The following DIPK1A variants were observed in gnomAD, a reference collection of about 807,000 sequenced individuals.
DIPK1A encodes divergent protein kinase domain 1A, also known as family with sequence similarity 69 member A.
In DIPK1A, 27 loss-of-function variants were observed where a neutral mutation model predicts 40.8. That is an observed-to-expected ratio of 0.66 (90% confidence interval 0.49 to 0.91). The LOEUF (loss-of-function observed/expected upper bound fraction) is 0.91. Among genes scored for constraint, DIPK1A ranks in the 40% least tolerant of loss-of-function variants. The probability of loss-of-function intolerance (pLI) is 0.00; values close to 1 mark genes in which losing one functional copy is unlikely to be tolerated. For missense variants in DIPK1A, 412 were observed against 505.7 expected, an observed-to-expected ratio of 0.81 and a Z score of 1.78; for synonymous variants, 166 against 171.3, an observed-to-expected ratio of 0.97 and a Z score of 0.24.
At chr1:92,845,293 T>TA (rs1379680810) in intron 4 of DIPK1A, among the ~76,000 whole-genome samples, 1 of 3,664 alleles carries the variant, frequency 2.7e-4, no homozygotes, top group African/African-American at 6.3e-4. Flanking sequence ...CAGAGTACCG[T>TA]TTTTTTTTTT....
chr1:92,876,027 T>A (rs6660881), intron 2 of DIPK1A, among the ~76,000 whole-genome samples: 8,503 of 148,778 alleles, frequency 0.057, 595 homozygotes, highest in African/African-American at 0.16. Flanking sequence ...ATATTAAAAA[T>A]ATATATATAT....
rs537604156 is a variant in DIPK1A at position 92,961,459 on chromosome 1, A to T, written c.-30T>A. On this transcript the variant is annotated 5_prime_UTR_variant, in exon 1 of 5. Transcript: ENST00000370310. ...ATCACACATCGCCCCGCCGCGCTGC[A>T]GTCAGAGGCGGACCCGAGCGCTGGC... is the stretch of plus-strand genomic sequence containing the variant. 5.5e-6 allele frequency: 8 copies of T among 1,453,820 alleles called. No individual in the cohort carries two copies. The highest frequency in any genetic ancestry group is 7.3e-6 in the Non-Finnish European group (8 of 1,093,256). The allele number at this position is 1,453,820 out of a possible 1,614,324, so 90.1% of individuals were successfully genotyped here. A position where few individuals can be genotyped will look rare whatever the true frequency, so the allele number is the denominator to read the frequency against.
intron 1 of DIPK1A, among the ~76,000 whole-genome samples, chr1:92,910,800 G>T (rs1464462100): frequency 2.0e-5 from 3 of 152,028 alleles, no homozygotes; most frequent in African/African-American, 7.2e-5. Flanking sequence ...ATTTTATTCA[G>T]ACTTCCTGTT....
At chr1:92,910,077 T>C (rs150980969) in intron 1 of DIPK1A, among the ~76,000 whole-genome samples, 2 of 152,326 alleles carry the variant, frequency 1.3e-5, no homozygotes, top group East Asian at 3.9e-4. Flanking sequence ...AAAGTTCTTG[T>C]TGATTCCGAG....
intron 1 of DIPK1A, among the ~76,000 whole-genome samples, chr1:92,949,643 G>C (rs1651548586): frequency 6.6e-6 from 1 of 152,100 alleles, no homozygotes; most frequent in Non-Finnish European, 1.5e-5. Flanking sequence ...GTTTTCTTTA[G>C]AGATATAGCT....
chr1:92,930,021 G>A (rs1650682066), intron 1 of DIPK1A, among the ~76,000 whole-genome samples: 1 of 152,184 alleles, frequency 6.6e-6, no homozygotes, highest in South Asian at 2.1e-4. Context: ...ACCAAGCACT[G>A]TGGCCAGTAG....
intron 1 of DIPK1A, among the ~76,000 whole-genome samples, chr1:92,959,273 G>T (rs1651963102): frequency 6.6e-6 from 1 of 152,040 alleles, no homozygotes; most frequent in East Asian, 1.9e-4. Context: ...GCAACAGAAG[G>T]AGACCCGTCT....
intron 3 of DIPK1A, among the ~76,000 whole-genome samples, chr1:92,848,157 A>G (rs1231958485): frequency 2.0e-5 from 3 of 152,228 alleles, no homozygotes; most frequent in Non-Finnish European, 4.4e-5. Context: ...CATGCTGAAA[A>G]GAGCTGAGGT....
chr1:92,887,160 G>T (rs1282426100), intron 1 of DIPK1A, among the ~76,000 whole-genome samples: 12 of 148,954 alleles, frequency 8.1e-5, no homozygotes, highest in Non-Finnish European at 3.0e-5. Context: ...GCTCACACCT[G>T]TAATTCCAGC....
chr1:92,844,598 T>C (rs1377508980), intron 4 of DIPK1A, among the ~76,000 whole-genome samples: 1 of 152,180 alleles, frequency 6.6e-6, no homozygotes, highest in East Asian at 1.9e-4. Context: ...CTAAAAATTA[T>C]TTTCCTTTTT....
At chr1:92,891,644 A>G (rs1164259952) in intron 1 of DIPK1A, among the ~76,000 whole-genome samples, 1 of 152,002 alleles carries the variant, frequency 6.6e-6, no homozygotes, top group African/African-American at 2.4e-5. Flanking sequence ...CGCACTGGGG[A>G]TTGTCAGACA....
At chr1:92,907,124 AAG>A (rs1246426539) in intron 1 of DIPK1A, among the ~76,000 whole-genome samples, 3 of 152,234 alleles carry the variant, frequency 2.0e-5, no homozygotes, top group Non-Finnish European at 4.4e-5. Context: ...AGGAGATGGG[AAG>A]ATGTTGCCAT....
At chr1:92,954,829 A>C (rs1651781024) in intron 1 of DIPK1A, among the ~76,000 whole-genome samples, 2 of 152,238 alleles carry the variant, frequency 1.3e-5, no homozygotes, top group Admixed American at 6.5e-5. Context: ...ATAAAAAATA[A>C]TACTATAATC....
intron 1 of DIPK1A, chr1:92,931,805 C>A (rs112715888): frequency 0.011 from 1,772 of 164,292 alleles, 21 homozygotes; most frequent in African/African-American, 0.034. Flanking sequence ...TGCAAACTTA[C>A]AGAAAAGCAT....
chr1:92,876,569 G>T, intron 1 of DIPK1A, 139 bp from the exon 2 acceptor site: 4 of 860,586 alleles, frequency 4.6e-6, no homozygotes, highest in Non-Finnish European at 7.0e-6. Flanking sequence ...AGAACAAAGT[G>T]CACTTTCACT....
intron 4 of DIPK1A, chr1:92,834,885 A>G (rs1251824626): frequency 1.2e-6 from 2 of 1,603,458 alleles, no homozygotes; most frequent in Non-Finnish European, 1.7e-6. Context: ...GCTGCAGCAT[A>G]TTGTACTGGC....
At chr1:92,833,449 AGAC>A in intron 4 of DIPK1A, 1 of 1,614,100 alleles carries the variant, frequency 6.2e-7, no homozygotes, top group Non-Finnish European at 8.5e-7. Context: ...GAAATTTAGA[AGAC>A]GACGAGGTAC....
At chr1:92,847,152 A>G in intron 4 of DIPK1A, 31 bp downstream of exon 4, 1 of 1,420,960 alleles carries the variant, frequency 7.0e-7, no homozygotes, top group Non-Finnish European at 9.4e-7. Flanking sequence ...GTCCCACTTC[A>G]CACTAGCAAC....
intron 1 of DIPK1A, among the ~76,000 whole-genome samples, chr1:92,960,699 C>G (rs879406915): frequency 2.0e-5 from 3 of 152,210 alleles, no homozygotes; most frequent in Admixed American, 6.5e-5. Flanking sequence ...GATCCACAGA[C>G]CAGCCACTAG....
Sources: gnomAD v4.1 joint callset for allele counts (sites outside exome capture counted in the v4.1 genomes callset) on GRCh38, gnomAD v4.1.1 for gene constraint, MANE v1.5 for transcripts, NCBI Gene and HGNC (gene_info 2026-07-23, HGNC 2026-07-21) for gene names.